The following HTR2A variants were observed in gnomAD, a reference collection of about 807,000 sequenced individuals.
HTR2A encodes the protein 5-HT2 receptor.
HTR2A carries 14 observed loss-of-function variants against 31.0 expected under a neutral mutation model. That is an observed-to-expected ratio of 0.45 (90% confidence interval 0.30 to 0.71). The LOEUF (loss-of-function observed/expected upper bound fraction) is 0.71. Among genes scored for constraint, HTR2A ranks in the 30% least tolerant of loss-of-function variants. The probability of loss-of-function intolerance (pLI) is 0.09; values close to 1 mark genes in which losing one functional copy is unlikely to be tolerated. For synonymous variants in HTR2A, 209 were observed against 225.2 expected (o/e 0.93, Z 0.64); for missense variants, 442 against 573.3 (o/e 0.77, Z 2.34).
At chr13:46,847,829 A>G (rs924339615) in intron 3 of HTR2A, among the ~76,000 whole-genome samples, 2 of 152,050 alleles carry the variant, frequency 1.3e-5, no homozygotes, top group Non-Finnish European at 2.9e-5. Context: ...TTCGGATAAA[A>G]ATTGTTATCA....
intron 3 of HTR2A, among the ~76,000 whole-genome samples, chr13:46,852,750 G>C (rs1012381766): frequency 6.6e-6 from 1 of 152,184 alleles, no homozygotes; most frequent in Admixed American, 6.5e-5. Context: ...CAAGCTATGG[G>C]TGTAATGAAC....
chr13:46,849,044 G>A (rs1171097090), intron 3 of HTR2A, among the ~76,000 whole-genome samples: 1 of 152,122 alleles, frequency 6.6e-6, no homozygotes, highest in Non-Finnish European at 1.5e-5. Flanking sequence ...CAATTTGGAT[G>A]TCTCCGATGG....
intron 2 of HTR2A, among the ~76,000 whole-genome samples, chr13:46,894,003 C>T (rs1000655284): frequency 6.6e-6 from 1 of 152,234 alleles, no homozygotes; most frequent in Non-Finnish European, 1.5e-5. Flanking sequence ...TTTGCAGCGC[C>T]TTATGGGGGA....
intron 3 of HTR2A, among the ~76,000 whole-genome samples, chr13:46,863,216 G>C (rs1488142411): frequency 6.6e-6 from 1 of 152,066 alleles, no homozygotes; most frequent in Non-Finnish European, 1.5e-5. Context: ...AAAATAAAAG[G>C]CTTAACTCTC....
intron 3 of HTR2A, among the ~76,000 whole-genome samples, chr13:46,851,540 T>C (rs1174890587): frequency 6.6e-6 from 1 of 152,218 alleles, no homozygotes; most frequent in Non-Finnish European, 1.5e-5. Context: ...GGAATATTTA[T>C]ATAATGGAAA....
intron 3 of HTR2A, among the ~76,000 whole-genome samples, chr13:46,856,943 A>G (rs1950742738): frequency 6.6e-6 from 1 of 152,136 alleles, no homozygotes; most frequent in African/African-American, 2.4e-5. Context: ...GGGGAGCCCT[A>G]GCATCTTCAT....
intron 3 of HTR2A, among the ~76,000 whole-genome samples, chr13:46,857,265 C>T (rs1000651700): frequency 6.6e-6 from 1 of 150,640 alleles, no homozygotes; most frequent in African/African-American, 2.5e-5. Context: ...TACCACTGCA[C>T]TCCAGCCTGG....
At chr13:46,845,919 T>C (rs1265414823) in intron 3 of HTR2A, among the ~76,000 whole-genome samples, 2 of 152,230 alleles carry the variant, frequency 1.3e-5, no homozygotes, top group Non-Finnish European at 2.9e-5. Context: ...AATAAGATTA[T>C]AACACTGTAT....
chr13:46,859,348 G>A (rs368748869), intron 3 of HTR2A, among the ~76,000 whole-genome samples: 17 of 152,156 alleles, frequency 1.1e-4, no homozygotes, highest in South Asian at 4.1e-4. Context: ...ATGGCTCTAC[G>A]TCCTGTCATC....
intron 3 of HTR2A, among the ~76,000 whole-genome samples, chr13:46,867,654 A>G (rs528196764): frequency 6.6e-6 from 1 of 152,252 alleles, no homozygotes; most frequent in Non-Finnish European, 1.5e-5. Context: ...CATTATGAAG[A>G]TTTGGGTTTG....
intron 3 of HTR2A, 54 bp from the exon 4 acceptor site, chr13:46,835,693 G>T: frequency 7.6e-7 from 1 of 1,321,840 alleles, no homozygotes; most frequent in Non-Finnish European, 1.1e-6. Context: ...GTATATGAAG[G>T]CAAGAGCATC....
chr13:46,851,912 A>T (rs151089970), intron 3 of HTR2A, among the ~76,000 whole-genome samples: 29 of 152,372 alleles, frequency 1.9e-4, no homozygotes, highest in Non-Finnish European at 3.7e-4. Context: ...GATGTCAATC[A>T]GCTGAGCTGG....
chr13:46,895,215 C>T lies in HTR2A; in HGVS notation c.412+280G>A. The T allele has an allele frequency of 6.1e-6, 2 of 325,898 alleles. No individual in the cohort carries two copies. The highest frequency in any genetic ancestry group is 1.1e-5 in the Non-Finnish European group (2 of 177,624). The allele number at this position is 325,898 out of a possible 1,614,324, so 20.2% of individuals were successfully genotyped here. A position where few individuals can be genotyped will look rare whatever the true frequency, so the allele number is the denominator to read the frequency against. ...TATAAAAATTTCTACATTAAATGTA[C>T]ATGTTTTGAAGCACAAAACTCTCCA... is the stretch of plus-strand genomic sequence containing the variant. On this transcript the variant is annotated intron_variant, in intron 2 of 3. Coordinates refer to ENST00000542664, the MANE Select transcript of HTR2A (RefSeq NM_000621.5). This position sits in a 1 kb window ranked among gnomAD's most constrained non-coding sequence, Gnocchi z 4.4.
At chr13:46,860,663 C>G (rs1406495609) in intron 3 of HTR2A, among the ~76,000 whole-genome samples, 2 of 152,280 alleles carry the variant, frequency 1.3e-5, no homozygotes, top group East Asian at 3.9e-4. Context: ...AATTCTTAAT[C>G]AGAACATATT....
chr13:46,843,693 G>A (rs1950618295), intron 3 of HTR2A, among the ~76,000 whole-genome samples: 1 of 152,144 alleles, frequency 6.6e-6, no homozygotes, highest in Non-Finnish European at 1.5e-5. Context: ...GGGAGGTACA[G>A]AGACTTACTT....
chr13:46,856,214 A>G (rs1396609084), intron 3 of HTR2A: 2 of 152,224 alleles, frequency 1.3e-5, no homozygotes, highest in Non-Finnish European at 2.9e-5. Context: ...TTACAATACA[A>G]AGCAAAACAA....
At chr13:46,835,861 T>C (rs1876436875) in intron 3 of HTR2A, among the ~76,000 whole-genome samples, 1 of 152,136 alleles carries the variant, frequency 6.6e-6, no homozygotes, top group South Asian at 2.1e-4. Context: ...CTAACCCTTA[T>C]AAAGAAGTAT....
intron 3 of HTR2A, among the ~76,000 whole-genome samples, chr13:46,846,537 A>G (rs1950644120): frequency 6.6e-6 from 1 of 152,186 alleles, no homozygotes; most frequent in Non-Finnish European, 1.5e-5. Context: ...TCATCACCCA[A>G]GATAGGGGTC....
chr13:46,874,543 A>G (rs552036277), intron 3 of HTR2A, among the ~76,000 whole-genome samples: 1 of 152,366 alleles, frequency 6.6e-6, no homozygotes, highest in Admixed American at 6.5e-5. Context: ...CATGTAAGTC[A>G]GGAACACTGA....
Sources: allele counts gnomAD v4.1 joint callset (sites outside exome capture counted in the v4.1 genomes callset), GRCh38; gene constraint gnomAD v4.1.1; non-coding constraint Gnocchi (gnomAD v3.1); transcripts MANE v1.5; gene names NCBI Gene and HGNC (gene_info 2026-07-23, HGNC 2026-07-21).